TFDP2: variants seen among roughly 807,000 people sequenced by gnomAD.
TFDP2 encodes transcription factor Dp-2.
TFDP2 carries 17 observed loss-of-function variants against 59.3 expected under a neutral mutation model. That is an observed-to-expected ratio of 0.29 (90% CI 0.20 to 0.43). The LOEUF is 0.43. Ranked by LOEUF, TFDP2 falls within the 20% of genes least tolerant of loss-of-function variation. The pLI, the probability that TFDP2 is intolerant of heterozygous loss-of-function variation, is 1.00. For synonymous variants in TFDP2, 180 were observed against 194.7 expected (o/e 0.92, Z 0.63); for missense variants, 391 against 528.8 (o/e 0.74, Z 2.56).
At chr3:142,014,845 C>T (rs779403377) in intron 3 of TFDP2, among the ~76,000 whole-genome samples, 1 of 152,222 alleles carries the variant, frequency 6.6e-6, no homozygotes, top group Non-Finnish European at 1.5e-5. Flanking sequence ...TGACCATCCA[C>T]GGTCCTCCAG....
intron 3 of TFDP2, among the ~76,000 whole-genome samples, chr3:142,017,603 A>C (rs1374582881): frequency 7.9e-6 from 1 of 126,476 alleles, no homozygotes; most frequent in Non-Finnish European, 1.6e-5. Context: ...CCTAGGCTGG[A>C]GTGCAGTGGC....
chr3:142,004,618 T>C (rs971780012), intron 4 of TFDP2, among the ~76,000 whole-genome samples: 2 of 152,210 alleles, frequency 1.3e-5, no homozygotes, highest in African/African-American at 4.8e-5. Context: ...ACAGTTGTTT[T>C]CCATTTTTCA....
rs556212287 is a variant in TFDP2, at chr3:141,951,676, T to C, written c.*837A>G. 2.6e-5 allele frequency: 4 copies of C among 152,782 alleles called. No homozygotes were observed. The highest frequency in any genetic ancestry group is 7.2e-5 in the African/African-American group (3 of 41,576). 9.5% of individuals were successfully genotyped at this position (152,782 alleles called of 1,614,324 possible). A position where few individuals can be genotyped will look rare whatever the true frequency, so the allele number is the denominator to read the frequency against. ...TGTCTTGTTTTAAATGAAAAAGCTA[T>C]ATGAAATGCATAGCTTTGATTAACC... On this transcript the variant is annotated 3_prime_UTR_variant, in exon 13 of 13. Coordinates refer to ENST00000489671, the MANE Select transcript of TFDP2 (RefSeq NM_001178139.2).
rs11569271 is a variant in TFDP2, at chr3:141,960,505, C to T, written c.885-665G>A. ...GAAGGAAGACACAGTCCTTCCGACT[C>T]CTAGGCTAGGCCTGGAGCACCTTCA... On this transcript the variant is annotated intron_variant, in intron 10 of 12. Transcript: ENST00000489671. Among the ~76,000 whole-genome samples, 52 of 152,312 alleles carry T rather than the reference C, an allele frequency of 3.4e-4. 1 individual carries two copies. Among genetic ancestry groups the T allele is most frequent in the African/African-American group, 1.2e-3 (49 of 41,560 alleles).
Position 141,951,192 on chromosome 3 carries a change from C to T in TFDP2, c.*1321G>A, listed in dbSNP as rs1192795271. On this transcript the variant is annotated 3_prime_UTR_variant, in exon 13 of 13. Coordinates refer to ENST00000489671, the MANE Select transcript of TFDP2 (RefSeq NM_001178139.2). ...GAGTTAATTCTCCCATTATTATTTGCTCCTTTCCAAAGCCTTAATGTGAAA... is the reference window on the plus strand; with the variant it reads ...GAGTTAATTCTCCCATTATTATTTGTTCCTTTCCAAAGCCTTAATGTGAAA... The T allele has an allele frequency of 6.6e-6, 1 of 152,222 alleles. No individual in the cohort carries two copies. Among genetic ancestry groups the T allele is most frequent in the East Asian group, 1.9e-4 (1 of 5,192 alleles). The allele number at this position is 152,222 out of a possible 1,614,324, so 9.4% of individuals were successfully genotyped here.
At chr3:142,107,640 T>A (rs73233883) in intron 1 of TFDP2, among the ~76,000 whole-genome samples, 21,382 of 152,158 alleles carry the variant, frequency 0.14, 1,662 homozygotes, top group African/African-American at 0.21. Context: ...CATTCGCACC[T>A]CAACTTTATC....
At chr3:142,075,301 T>C (rs553526132) in intron 3 of TFDP2, among the ~76,000 whole-genome samples, 1 of 152,310 alleles carries the variant, frequency 6.6e-6, no homozygotes, top group African/African-American at 2.4e-5. Context: ...CTGCAAATGA[T>C]ATATCTGAAA....
At chr3:141,994,649 G>A (rs1943093634) in intron 5 of TFDP2, 1 of 154,664 alleles carries the variant, frequency 6.5e-6, no homozygotes, top group South Asian at 2.1e-4. Context: ...GTAATTCATA[G>A]GGGAAATTCT....
chr3:142,084,666 T>C (rs772667601), intron 3 of TFDP2, among the ~76,000 whole-genome samples: 14 of 152,106 alleles, frequency 9.2e-5, no homozygotes, highest in Non-Finnish European at 1.9e-4. Context: ...GATCCTGTCA[T>C]TCACAATATG....
intron 3 of TFDP2, among the ~76,000 whole-genome samples, chr3:142,044,682 C>A (rs1414015774): frequency 4.6e-5 from 7 of 152,096 alleles, no homozygotes; most frequent in Non-Finnish European, 1.0e-4. Flanking sequence ...TAAATAATTT[C>A]TTTTAAAATT....
At chr3:141,989,008 T>A (rs1277186534) in intron 6 of TFDP2, 1 of 152,180 alleles carries the variant, frequency 6.6e-6, no homozygotes, top group East Asian at 1.9e-4. Flanking sequence ...TTCCATAGGA[T>A]CTTCTTTTTC....
intron 2 of TFDP2, among the ~76,000 whole-genome samples, chr3:142,100,804 A>T (rs1352494517): frequency 6.6e-6 from 1 of 152,188 alleles, no homozygotes; most frequent in Non-Finnish European, 1.5e-5. Flanking sequence ...ACAGACAGAC[A>T]GAGGGAGAAA....
At chr3:142,092,602 A>C (rs1345796114) in intron 3 of TFDP2, among the ~76,000 whole-genome samples, 4 of 152,196 alleles carry the variant, frequency 2.6e-5, no homozygotes, top group Non-Finnish European at 4.4e-5. Context: ...TACAGGTGTG[A>C]GCCACTGCAC....
rs367608410 is a variant in TFDP2, at chr3:142,022,893, G to A, written c.83-17349C>T. On this transcript the variant is annotated intron_variant, in intron 3 of 12. Transcript: ENST00000489671. ...TCCCAGCACTTTGGGAGGCCAAGGCGGGTGGATTACGAAGTCAGGAGTTTG... is the reference window on the plus strand; with the variant it reads ...TCCCAGCACTTTGGGAGGCCAAGGCAGGTGGATTACGAAGTCAGGAGTTTG... Among the ~76,000 whole-genome samples, 61 of 152,058 alleles carry A rather than the reference G, an allele frequency of 4.0e-4. No individual in the cohort carries two copies. In the East Asian group the frequency reaches 0.011, roughly 28 times the overall value.
chr3:141,991,324 T>C (rs1204561232), intron 6 of TFDP2, among the ~76,000 whole-genome samples: 3 of 152,222 alleles, frequency 2.0e-5, no homozygotes, highest in African/African-American at 7.2e-5. Flanking sequence ...ATGTATTTCA[T>C]TTTAATAAGG....
intron 7 of TFDP2, among the ~76,000 whole-genome samples, chr3:141,975,255 A>T (rs4315664): frequency 0.12 from 17,728 of 152,052 alleles, 1,279 homozygotes; most frequent in East Asian, 0.18. Context: ...CAAGGAAACC[A>T]TGTTGGTTTA....
At chr3:142,101,018 T>C (rs1462807301) in intron 2 of TFDP2, among the ~76,000 whole-genome samples, 2 of 152,094 alleles carry the variant, frequency 1.3e-5, no homozygotes, top group Non-Finnish European at 1.5e-5. Context: ...TCCTACATAA[T>C]AATATAGGAA....
intron 3 of TFDP2, among the ~76,000 whole-genome samples, chr3:142,089,960 A>T (rs2108610545): frequency 6.6e-6 from 1 of 152,270 alleles, no homozygotes; most frequent in South Asian, 2.1e-4. Context: ...CTATAATATC[A>T]TTGCTACATC....
chr3:141,987,684 T>C (rs373087057), intron 6 of TFDP2, among the ~76,000 whole-genome samples: 2 of 149,652 alleles, frequency 1.3e-5, no homozygotes, highest in African/African-American at 4.9e-5. Context: ...TCCCAGCACT[T>C]TGGGAGGCCG....
Sources: allele counts gnomAD v4.1 joint callset (sites outside exome capture counted in the v4.1 genomes callset), GRCh38; gene constraint gnomAD v4.1.1; transcripts MANE v1.5; gene names NCBI Gene and HGNC (gene_info 2026-07-23, HGNC 2026-07-21).